LRRTM4: variants seen among roughly 807,000 people sequenced by gnomAD.
LRRTM4 encodes leucine rich repeat transmembrane neuronal 4.
Under a neutral mutation model 47.6 loss-of-function variants are expected in LRRTM4, and 25 were observed. The ratio of observed to expected loss-of-function variants is 0.53; its 90% CI spans 0.38 to 0.73. The LOEUF (loss-of-function observed/expected upper bound fraction) is 0.73, where lower values mean the gene tolerates loss of function less well. Among genes scored for constraint, LRRTM4 ranks in the 30% least tolerant of loss-of-function variants. The pLI, the probability that LRRTM4 is intolerant of heterozygous loss-of-function variation, is 0.00. For missense variants in LRRTM4, 638 were observed against 713.4 expected, an observed-to-expected ratio of 0.89 and a Z score of 1.20; for synonymous variants, 311 against 269.5, an observed-to-expected ratio of 1.15 and a Z score of -1.51.
At chr2:77,417,732 G>A (rs1261474024) in intron 3 of LRRTM4, among the ~76,000 whole-genome samples, 1 of 149,908 alleles carries the variant, frequency 6.7e-6, no homozygotes, top group Admixed American at 6.7e-5. Flanking sequence ...ATGGACACAG[G>A]AAGGGGAACA....
At chr2:77,339,113 G>A (rs907560297) in intron 3 of LRRTM4, among the ~76,000 whole-genome samples, 1 of 151,492 alleles carries the variant, frequency 6.6e-6, no homozygotes, top group Non-Finnish European at 1.5e-5. Flanking sequence ...GAATGAAGGG[G>A]AACAAGGGTT....
chr2:76,768,856 G>C (rs1673565805), intron 3 of LRRTM4, among the ~76,000 whole-genome samples: 1 of 152,100 alleles, frequency 6.6e-6, no homozygotes, highest in African/African-American at 2.4e-5. Context: ...GAATGATTTG[G>C]AGAGATTAAT....
In LRRTM4 at chr2:77,521,824, C is replaced by T. The variant is rs1291919477; in HGVS notation, c.-147-6G>A. ...AGCTAGTAGCCCCATACAAACTTCC[C>T]CGAGAGGACAGGCAAAAAAAAAAAA... On this transcript the variant is annotated splice_polypyrimidine_tract_variant and splice_region_variant and intron_variant, in intron 1 of 3. Transcript: ENST00000409884. 7.4e-6 allele frequency: 4 copies of T among 542,560 alleles called. No homozygotes were observed. The highest frequency in any genetic ancestry group is 1.3e-5 in the Non-Finnish European group (4 of 317,432). The allele number at this position is 542,560 out of a possible 1,614,324, so 33.6% of individuals were successfully genotyped here.
At chr2:77,515,399 C>T (rs988225475) in intron 3 of LRRTM4, among the ~76,000 whole-genome samples, 9 of 151,628 alleles carry the variant, frequency 5.9e-5, no homozygotes, top group African/African-American at 2.2e-4. Context: ...TTAAAAAATC[C>T]TTTTAAAAGA....
chr2:77,457,426 C>G (rs1676605500), intron 3 of LRRTM4, among the ~76,000 whole-genome samples: 1 of 152,030 alleles, frequency 6.6e-6, no homozygotes, highest in African/African-American at 2.4e-5. Context: ...ATCTACACCT[C>G]TAACCCCATT....
intron 3 of LRRTM4, among the ~76,000 whole-genome samples, chr2:77,132,101 C>T (rs1449673067): frequency 1.3e-5 from 2 of 152,110 alleles, no homozygotes; most frequent in African/African-American, 4.8e-5. Context: ...ATTATTCTAT[C>T]TAACTGTACA....
chr2:77,085,656 T>C (rs1214905821), intron 3 of LRRTM4, among the ~76,000 whole-genome samples: 2 of 152,140 alleles, frequency 1.3e-5, no homozygotes, highest in African/African-American at 2.4e-5. Flanking sequence ...TTGCTTTAAT[T>C]TTTAGCAAGA....
chr2:76,804,673 AT>A (rs1354459457), intron 3 of LRRTM4, among the ~76,000 whole-genome samples: 2 of 147,942 alleles, frequency 1.4e-5, no homozygotes, highest in Non-Finnish European at 3.0e-5. Flanking sequence ...AGTATAAAAA[AT>A]ATATATTTAT....
At chr2:76,906,409 C>A (rs940113786) in intron 3 of LRRTM4, among the ~76,000 whole-genome samples, 1 of 151,996 alleles carries the variant, frequency 6.6e-6, no homozygotes, top group Non-Finnish European at 1.5e-5. Context: ...ATTGTAAAGA[C>A]CATCGAGACT....
intron 3 of LRRTM4, among the ~76,000 whole-genome samples, chr2:76,863,992 A>G (rs1672394274): frequency 6.6e-6 from 1 of 152,198 alleles, no homozygotes; most frequent in Non-Finnish European, 1.5e-5. Flanking sequence ...GTAGTTCACC[A>G]CATTTTAACA....
intron 3 of LRRTM4, among the ~76,000 whole-genome samples, chr2:77,038,987 C>A (rs1678935615): frequency 1.3e-5 from 2 of 150,946 alleles, no homozygotes; most frequent in Admixed American, 6.6e-5. Flanking sequence ...ACTAAAGGTC[C>A]AGTAAAAGTC....
chr2:76,963,403 A>G (rs1038225717), intron 3 of LRRTM4, among the ~76,000 whole-genome samples: 13 of 151,038 alleles, frequency 8.6e-5, no homozygotes, highest in Admixed American at 4.0e-4. Flanking sequence ...AAATGTATTG[A>G]TCAAGTGATT....
intron 3 of LRRTM4, among the ~76,000 whole-genome samples, chr2:77,004,658 C>T (rs1677568036): frequency 6.6e-6 from 1 of 152,240 alleles, no homozygotes; most frequent in Non-Finnish European, 1.5e-5. Context: ...GAGAATGGGG[C>T]CACCGTCCTC....
chr2:77,155,198 A>C (rs1333587614), intron 3 of LRRTM4, among the ~76,000 whole-genome samples: 1 of 152,024 alleles, frequency 6.6e-6, no homozygotes, highest in Non-Finnish European at 1.5e-5. Flanking sequence ...CTGCATATAA[A>C]TATTTAATTT....
At chr2:77,521,106 G>A (rs1392524855) in intron 2 of LRRTM4, among the ~76,000 whole-genome samples, 1 of 151,468 alleles carries the variant, frequency 6.6e-6, no homozygotes, top group African/African-American at 2.4e-5. Flanking sequence ...CAGACTCATT[G>A]AAATACATTC....
intron 3 of LRRTM4, among the ~76,000 whole-genome samples, chr2:76,818,416 G>C (rs182140447): frequency 8.6e-5 from 13 of 151,786 alleles, no homozygotes; most frequent in African/African-American, 2.9e-4. Flanking sequence ...CCCACAACCA[G>C]GGCTGAACAC....
At chr2:76,962,706 A>T (rs1675901242) in intron 3 of LRRTM4, among the ~76,000 whole-genome samples, 1 of 150,770 alleles carries the variant, frequency 6.6e-6, no homozygotes, top group Non-Finnish European at 1.5e-5. Context: ...TATTAAATAA[A>T]ATACTGTTTT....
chr2:77,312,802 T>G (rs150398425), intron 3 of LRRTM4, among the ~76,000 whole-genome samples: 92 of 152,278 alleles, frequency 6.0e-4, no homozygotes, highest in African/African-American at 2.0e-3. Context: ...CTAATTATGA[T>G]AGAGATTTGG....
chr2:76,789,044 A>C (rs1674830273), intron 3 of LRRTM4, among the ~76,000 whole-genome samples: 2 of 152,188 alleles, frequency 1.3e-5, no homozygotes, highest in Non-Finnish European at 2.9e-5. Context: ...CTGGTTGTGC[A>C]TGCTGTGCTT....
Sources: allele counts gnomAD v4.1 joint callset (sites outside exome capture counted in the v4.1 genomes callset), GRCh38; gene constraint gnomAD v4.1.1; transcripts MANE v1.5; gene names NCBI Gene and HGNC (gene_info 2026-07-23, HGNC 2026-07-21).